SHLD1: variants seen among roughly 807,000 people sequenced by gnomAD.
The protein encoded by SHLD1 is shieldin complex subunit 1.
A neutral mutation model predicts 5.5 loss-of-function variants in SHLD1; 3 were observed. That is an observed-to-expected ratio of 0.54 (90% CI 0.25 to 1.40). The LOEUF (loss-of-function observed/expected upper bound fraction) is 1.40, where lower values mean the gene tolerates loss of function less well. Ranked by LOEUF, SHLD1 falls within the 40% of genes most tolerant of loss-of-function variation. The pLI, the probability that SHLD1 is intolerant of heterozygous loss-of-function variation, is 0.15. For synonymous variants in SHLD1, 92 were observed against 94.3 expected (o/e 0.98, Z 0.14); for missense variants, 210 against 244.4 (o/e 0.86, Z 0.94).
At chr20:5,808,828 A>T (rs1234373889) in intron 2 of SHLD1, among the ~76,000 whole-genome samples, 2 of 152,268 alleles carry the variant, frequency 1.3e-5, no homozygotes, top group Non-Finnish European at 2.9e-5. Context: ...ATGGCTAAGT[A>T]ACAAAAGATC....
At chr20:5,829,881 G>GA (rs11482144) in intron 2 of SHLD1, among the ~76,000 whole-genome samples, 84,733 of 147,900 alleles carry the variant, frequency 0.57, 24,065 homozygotes, top group East Asian at 0.7. Flanking sequence ...TCTTCTTTAG[G>GA]AAAAAAAAAC....
chr20:5,813,047 T>C (rs1036177949), intron 2 of SHLD1, among the ~76,000 whole-genome samples: 3 of 151,918 alleles, frequency 2.0e-5, no homozygotes, highest in Non-Finnish European at 4.4e-5. Context: ...GCTATTTTTT[T>C]CTATTTTTAG....
At chr20:5,810,977 AATGCTGAGAAGTGCTG>A (rs1409232774) in intron 2 of SHLD1, among the ~76,000 whole-genome samples, 1 of 152,122 alleles carries the variant, frequency 6.6e-6, no homozygotes, top group African/African-American at 2.4e-5. Flanking sequence ...ATGATCATCC[AATGCTGAGAAGTGCTG>A]ATGACCTAAT....
chr20:5,835,299 G>A (rs946629734), intron 2 of SHLD1, among the ~76,000 whole-genome samples: 2 of 152,090 alleles, frequency 1.3e-5, no homozygotes, highest in Non-Finnish European at 2.9e-5. Context: ...TCAAAGCTAG[G>A]GCTATACACT....
At position 5,828,306 on chromosome 20, in the gene SHLD1, T is replaced by C. The variant is rs530551975; in HGVS notation, c.179-34718T>C. Among the ~76,000 whole-genome samples the C allele has an allele frequency of 4.0e-5, 4 of 100,680 alleles. No individual in the cohort carries two copies. In the East Asian group the frequency reaches 1.2e-3, roughly 30 times the overall value. The allele number at this position is 100,680 out of a possible 152,430, so 66.0% of individuals were successfully genotyped here. ...TCTGTGCTAGTCATCACAGAGTCTC[T>C]AGACCTTAGAACAGTGTGATAGGTC... On this transcript the variant is annotated intron_variant, in intron 2 of 2. Transcript: ENST00000303142.
At chr20:5,770,526 C>T (rs1985097195) in intron 1 of SHLD1, among the ~76,000 whole-genome samples, 1 of 152,166 alleles carries the variant, frequency 6.6e-6, no homozygotes, top group African/African-American at 2.4e-5. Flanking sequence ...AATCCTTCTC[C>T]ATCAACTTGT....
chr20:5,843,985 G>A (rs565006350), intron 2 of SHLD1, among the ~76,000 whole-genome samples: 45 of 152,234 alleles, frequency 3.0e-4, no homozygotes, highest in African/African-American at 7.5e-4. Context: ...CCTTTTCTGC[G>A]TAAGTTGTAT....
At chr20:5,819,844 C>G (rs558575694) in intron 2 of SHLD1, among the ~76,000 whole-genome samples, 1 of 152,288 alleles carries the variant, frequency 6.6e-6, no homozygotes, top group East Asian at 1.9e-4. Context: ...ACAATAAAAT[C>G]ATCATGTAAC....
intron 2 of SHLD1, among the ~76,000 whole-genome samples, chr20:5,830,932 TTTA>T (rs2087722160): frequency 6.6e-6 from 1 of 152,198 alleles, no homozygotes; most frequent in African/African-American, 2.4e-5. Flanking sequence ...TTAAATTTTA[TTTA>T]TTTATTTAAT....
chr20:5,808,114 T>A (rs964086686), intron 2 of SHLD1, among the ~76,000 whole-genome samples: 10 of 152,074 alleles, frequency 6.6e-5, no homozygotes, highest in Non-Finnish European at 1.5e-5. Flanking sequence ...ACCCTGTCTT[T>A]ACTAAAAATA....
At chr20:5,820,601 T>C (rs764730426) in intron 2 of SHLD1, among the ~76,000 whole-genome samples, 8 of 152,108 alleles carry the variant, frequency 5.3e-5, no homozygotes, top group Non-Finnish European at 8.8e-5. Flanking sequence ...AAACTCAGAG[T>C]TGTTTGACAT....
chr20:5,839,472 ATAAAT>A (rs2087828512), intron 2 of SHLD1, among the ~76,000 whole-genome samples: 1 of 130,400 alleles, frequency 7.7e-6, no homozygotes, highest in African/African-American at 2.9e-5. Flanking sequence ...GGATGAATGG[ATAAAT>A]TAGATAGAAA....
intron 2 of SHLD1, among the ~76,000 whole-genome samples, chr20:5,830,532 T>G (rs2087716139): frequency 6.6e-6 from 1 of 151,904 alleles, no homozygotes; most frequent in Non-Finnish European, 1.5e-5. Flanking sequence ...CTACTAAAAA[T>G]ACAAAATTAG....
intron 2 of SHLD1, among the ~76,000 whole-genome samples, chr20:5,797,339 T>A (rs2087227351): frequency 6.6e-6 from 1 of 152,108 alleles, no homozygotes; most frequent in African/African-American, 2.4e-5. Context: ...GTTAGGAGGA[T>A]GGCTTGAGCT....
At chr20:5,861,948 T>A (rs1600189320) in intron 2 of SHLD1, among the ~76,000 whole-genome samples, 1 of 152,304 alleles carries the variant, frequency 6.6e-6, no homozygotes, top group East Asian at 1.9e-4. Flanking sequence ...TGGTGAGGGC[T>A]CCTTTCCTGG....
chr20:5,826,035 C>T (rs1699222), intron 2 of SHLD1, among the ~76,000 whole-genome samples: 31,338 of 151,950 alleles, frequency 0.21, 3,428 homozygotes, highest in Non-Finnish European at 0.23. Context: ...TAGGGCCACA[C>T]GGAGGTACTG....
At chr20:5,765,450 A>T (rs1254785523) in intron 1 of SHLD1, among the ~76,000 whole-genome samples, 1 of 151,692 alleles carries the variant, frequency 6.6e-6, no homozygotes, top group Non-Finnish European at 1.5e-5. Flanking sequence ...GGGTTTCACC[A>T]TATTGGCCGG....
chr20:5,830,333 C>T (rs2087713411), intron 2 of SHLD1, among the ~76,000 whole-genome samples: 1 of 151,782 alleles, frequency 6.6e-6, no homozygotes, highest in Admixed American at 6.6e-5. Context: ...GTGAAAGAAG[C>T]CAGATAGCAA....
chr20:5,772,769 AAAAC>A (rs1187224128), intron 1 of SHLD1, 89 bp from the exon 2 acceptor site: 2 of 1,224,596 alleles, frequency 1.6e-6, no homozygotes, highest in Non-Finnish European at 2.2e-6. Context: ...ATAAAAATAA[AAAAC>A]AAATAAAATT....
Sources: allele counts gnomAD v4.1 joint callset (sites outside exome capture counted in the v4.1 genomes callset), GRCh38; gene constraint gnomAD v4.1.1; transcripts MANE v1.5; gene names NCBI Gene and HGNC (gene_info 2026-07-23, HGNC 2026-07-21).